The following GRIN2C variants were observed in gnomAD, a reference collection of about 807,000 sequenced individuals.
The protein encoded by GRIN2C is glutamate ionotropic receptor NMDA type subunit 2C.
In GRIN2C, 64 loss-of-function variants were observed where a neutral mutation model predicts 77.7. The observed-to-expected ratio is 0.82, with a 90% CI of 0.67 to 1.01. The LOEUF (loss-of-function observed/expected upper bound fraction) is 1.01. Among genes scored for constraint, GRIN2C ranks in the 50% least tolerant of loss-of-function variants. The pLI, the probability that GRIN2C is intolerant of heterozygous loss-of-function variation, is 0.00. For synonymous variants in GRIN2C, 792 were observed against 643.4 expected (o/e 1.23, Z -3.49); for missense variants, 1,549 against 1,486.0 (o/e 1.04, Z -0.70).
chr17:74,852,369 G>A lies in GRIN2C; in HGVS notation c.642C>T (p.Arg214=). 1.4e-6 allele frequency: 2 copies of A among 1,443,616 alleles called. No homozygotes were observed. Among genetic ancestry groups the A allele is most frequent in the Non-Finnish European group, 1.8e-6 (2 of 1,106,630 alleles). 89.4% of individuals were successfully genotyped at this position (1,443,616 alleles called of 1,614,324 possible). A position where few individuals can be genotyped will look rare whatever the true frequency, so the allele number is the denominator to read the frequency against. The change falls in exon 3 of 13, where the codon CGC becomes CGT. Residue 214 remains arginine, a synonymous_variant. Transcript: ENST00000293190. ...GPGGPRARTQ[R]LLRQLDAPVF... is the part of the protein sequence containing the mutation. ...CGGGCGCGTCGAGCTGGCGCAGCAG[G>A]CGCTGCGTGCGCGCGCGCGGCCCTC...
upstream of GRIN2C, chr17:74,860,740 T>C (rs2037931644): frequency 2.9e-6 from 1 of 346,758 alleles, no homozygotes; most frequent in African/African-American, 2.2e-5. Flanking sequence ...AAGATGCCAC[T>C]ACTCTGGAAG....
At chr17:74,860,763 C>A, upstream of GRIN2C, 1 of 341,028 alleles carries the variant, frequency 2.9e-6, no homozygotes, top group Non-Finnish European at 5.8e-6. Context: ...CACTCCGATT[C>A]TCCCAGGTCG....
At position 74,846,688 on chromosome 17, in the gene GRIN2C, A is replaced by C. The variant is rs563807041; in HGVS notation, c.2162+72T>G. ...AGGACAGCCCAGTCCCACTGTCCCC[A>C]CATTGAGAGCTAAGGCTGGTCACTG... On this transcript the variant is annotated intron_variant, in intron 10 of 12. Coordinates refer to ENST00000293190, the MANE Select transcript of GRIN2C (RefSeq NM_000835.6). This position sits in a 1 kb window ranked among gnomAD's most constrained non-coding sequence, Gnocchi z 4.4. 7.9e-5 allele frequency: 118 copies of C among 1,487,112 alleles called. No homozygotes were observed. Among genetic ancestry groups the C allele is most frequent in the Non-Finnish European group, 1.0e-4 (110 of 1,081,832 alleles). The allele number at this position is 1,487,112 out of a possible 1,614,324, so 92.1% of individuals were successfully genotyped here.
Position 74,844,289 on chromosome 17 carries a change from A to G in GRIN2C, c.2570T>C (p.Leu857Pro), listed in dbSNP as rs774387582. ...GTGGGCACCCACCCTGCTGAAAGCCAGCAGGAAGTCCAGCTGGGATGAGTT... is the reference window on the plus strand; with the variant it reads ...GTGGGCACCCACCCTGCTGAAAGCCGGCAGGAAGTCCAGCTGGGATGAGTT... ...VPNSSQLDFLLAFSRGIYSCF... is the reference protein window; with the variant it reads ...VPNSSQLDFLPAFSRGIYSCF... Residue 857 changes from leucine (L) to proline (P), a missense_variant, in exon 12 of 13, where the codon CTG (leucine) becomes CCG (proline). Physicochemically the swap from Leu to Pro is moderately conservative, Grantham distance 98 (BLOSUM62 -3). Around this residue, in one of 3 missense-constraint regions of GRIN2C, gnomAD observed 450 missense variants for 267.9 expected, o/e 1.68. Coordinates refer to ENST00000293190, the MANE Select transcript of GRIN2C (RefSeq NM_000835.6). 4.3e-6 allele frequency: 7 copies of G among 1,613,810 alleles called. No individual in the cohort carries two copies. The East Asian group carries it at 1.3e-4, about 31-fold the overall frequency.
rs1231510778 is a variant in GRIN2C at position 74,851,695 on chromosome 17, C to A, written c.999-4G>T. 6.5e-7 allele frequency: 1 copy of A among 1,532,816 alleles called. No individual in the cohort carries two copies. Among genetic ancestry groups the A allele is most frequent in the South Asian group, 1.2e-5 (1 of 83,990 alleles). The allele number at this position is 1,532,816 out of a possible 1,614,324, so 95.0% of individuals were successfully genotyped here. A position where few individuals can be genotyped will look rare whatever the true frequency, so the allele number is the denominator to read the frequency against. On this transcript the variant is annotated splice_region_variant and splice_polypyrimidine_tract_variant and intron_variant, in intron 3 of 12. Coordinates refer to ENST00000293190, the MANE Select transcript of GRIN2C (RefSeq NM_000835.6). ...CCAGGTGACATTCAGTAGGTGCCTG[C>A]CAGAGGGGAGAGATGCCTGCAGCCC...
Position 74,851,682 on chromosome 17 carries a change from C to T in GRIN2C, c.1008G>A (p.Leu336=). 1 of 1,558,620 alleles carries T rather than the reference C, an allele frequency of 6.4e-7. No individual in the cohort carries two copies. The highest frequency in any genetic ancestry group is 8.7e-7 in the Non-Finnish European group (1 of 1,149,370). ...PAREAFYRHL[L]NVTWEGRDFS... ...AGTCTCGGCCCTCCCAGGTGACATT[C>T]AGTAGGTGCCTGCCAGAGGGGAGAG... Residue 336 remains leucine (L), a synonymous_variant, in exon 4 of 13, where the codon CTG becomes CTA. Transcript: ENST00000293190.
At chr17:74,853,313 T>C (rs2144606514) in intron 2 of GRIN2C, 1 of 152,330 alleles carries the variant, frequency 6.6e-6, no homozygotes, top group Non-Finnish European at 1.5e-5. Flanking sequence ...ACGCAGTTTC[T>C]TCAATAAACA....
chr17:74,842,991 A>AGCTCCCGGG lies in GRIN2C; in HGVS notation c.3145_3146insCCCGGGAGC (p.Glu1048_Leu1049insProArgGlu). ...CGGACCGAGCAGCGGCAGGTCCTCCAGCTCCGGGAAGAGCGGGAGGAAGGG... is the reference window on the plus strand; with the variant it reads ...CGGACCGAGCAGCGGCAGGTCCTCCAGCTCCCGGGGCTCCGGGAAGAGCGGGAGGAAGGG... On this transcript the variant is annotated inframe_insertion, in exon 13 of 13. Transcript: ENST00000293190. 3 of 510,944 alleles carry AGCTCCCGGG rather than the reference A, an allele frequency of 5.9e-6. No individual in the cohort carries two copies. The highest frequency in any genetic ancestry group is 3.5e-6 in the Non-Finnish European group (1 of 289,662). The allele number at this position is 510,944 out of a possible 1,614,324, so 31.7% of individuals were successfully genotyped here. A position where few individuals can be genotyped will look rare whatever the true frequency, so the allele number is the denominator to read the frequency against.
chr17:74,845,464 C>T (rs2037427863), intron 11 of GRIN2C, among the ~76,000 whole-genome samples: 1 of 151,550 alleles, frequency 6.6e-6, no homozygotes, highest in Middle Eastern at 3.4e-3. Context: ...GAGACAGGAT[C>T]TTGCTGTGTT....
Position 74,854,958 on chromosome 17 carries a change from C to G in GRIN2C, c.135G>C (p.Gln45His). ...TCTGGGGGGTGAGGCGGGCACGGAA[C>G]TGGGCCTGGGGCGGCCCTGAGCTGC... ...VFSSSGPPQA[Q>H]FRARLTPQSF... Residue 45 changes from glutamine to histidine, a missense_variant, in exon 2 of 13, where the codon CAG (glutamine) becomes CAC (histidine). Transcript: ENST00000293190. 3 of 1,612,520 alleles carry G rather than the reference C, an allele frequency of 1.9e-6. No individual in the cohort carries two copies. The highest frequency in any genetic ancestry group is 1.7e-6 in the Non-Finnish European group (2 of 1,179,980).
chr17:74,859,338 C>T lies in GRIN2C; in HGVS notation c.-16+406G>A, dbSNP rs2037897458. ...TTCCCAGGCTGGGGGCCTTCTCCTT[C>T]CCGGGTCCTCACAGCTCAGCCAGAC... On this transcript the variant is annotated intron_variant, in intron 1 of 12. Coordinates refer to ENST00000293190, the MANE Select transcript of GRIN2C (RefSeq NM_000835.6). The surrounding 1 kb of genome is among the most constrained non-coding windows in gnomAD (Gnocchi z 5.9). 6.6e-6 allele frequency among the ~76,000 whole-genome samples: 1 copy of T among 152,130 alleles called. No individual in the cohort carries two copies. Among genetic ancestry groups the T allele is most frequent in the Admixed American group, 6.5e-5 (1 of 15,276 alleles).
rs1567888625 is a variant in GRIN2C, at chr17:74,844,515, T to C, written c.2351-7A>G. ...TCCAGTTTCTGTGTCTCTCCTGGAG[T>C]TGGGGGGTGTACACATCTGGCTCAG... On this transcript the variant is annotated splice_region_variant and splice_polypyrimidine_tract_variant and intron_variant, in intron 11 of 12. Transcript: ENST00000293190. 1 of 1,613,216 alleles carries C rather than the reference T, an allele frequency of 6.2e-7. No individual in the cohort carries two copies. The highest frequency in any genetic ancestry group is 8.5e-7 in the Non-Finnish European group (1 of 1,179,310).
Position 74,847,204 on chromosome 17 carries a change from T to C in GRIN2C, c.2001+104A>G, listed in dbSNP as rs1222248093. 6 of 894,840 alleles carry C rather than the reference T, an allele frequency of 6.7e-6. No individual in the cohort carries two copies. Among genetic ancestry groups the C allele is most frequent in the South Asian group, 1.5e-5 (1 of 64,568 alleles). The allele number at this position is 894,840 out of a possible 1,614,324, so 55.4% of individuals were successfully genotyped here. A position where few individuals can be genotyped will look rare whatever the true frequency, so the allele number is the denominator to read the frequency against. On this transcript the variant is annotated intron_variant, in intron 9 of 12. Transcript: ENST00000293190. The surrounding 1 kb of genome is among the most constrained non-coding windows in gnomAD (Gnocchi z 5.2). Reference sequence around the variant, plus strand: ...CCTGAAGCTTCTTCCTGCCCCAGCCTCCAGGTCAAATTCCCCAGACTCGAC... The same window carrying C: ...CCTGAAGCTTCTTCCTGCCCCAGCCCCCAGGTCAAATTCCCCAGACTCGAC...
chr17:74,853,737 T>C (rs1385463487), intron 2 of GRIN2C: 1 of 152,156 alleles, frequency 6.6e-6, no homozygotes, highest in Non-Finnish European at 1.5e-5. Flanking sequence ...TTTTAATGTA[T>C]ACTCAAAATT....
In GRIN2C at chr17:74,844,398, T is replaced by C. The variant is rs772131178; in HGVS notation, c.2461A>G (p.Met821Val). The change falls in exon 12 of 13, where the codon ATG (methionine) becomes GTG (valine). Residue 821 changes from methionine to valine, a missense_variant. Met to Val is a conservative substitution (Grantham distance 21, BLOSUM62 1). Coordinates refer to ENST00000293190, the MANE Select transcript of GRIN2C (RefSeq NM_000835.6). ...DIDNMAGVFY[M>V]LLVAMGLALL... is the part of the protein sequence containing the mutation. ...GCCAGCCCCATGGCCACCAGCAGCA[T>C]GTAGAAGACGCCTGCCATGTTGTCG... The C allele has an allele frequency of 6.2e-7, 1 of 1,614,222 alleles. No individual in the cohort carries two copies. Among genetic ancestry groups the C allele is most frequent in the Non-Finnish European group, 8.5e-7 (1 of 1,180,040 alleles).
chr17:74,843,423 G>T lies in GRIN2C; in HGVS notation c.2714C>A (p.Thr905Asn). ...KMLQAARDMV[T>N]TAGVSSSLDR... ...CAGGGAGCTGCTTACGCCCGCCGTG[G>T]TCACCATGTCGCGGGCTGCCTGCAG... is the stretch of plus-strand genomic sequence containing the variant. Residue 905 changes from threonine to asparagine, a missense_variant, in exon 13 of 13, where the codon ACC becomes AAC. Thr to Asn is a moderately conservative substitution (Grantham distance 65). Transcript: ENST00000293190. 60 of 1,535,984 alleles carry T rather than the reference G, an allele frequency of 3.9e-5. No homozygotes were observed. The highest frequency in any genetic ancestry group is 5.1e-5 in the Non-Finnish European group (58 of 1,146,168).
Position 74,846,087 on chromosome 17 carries a change from G to T in GRIN2C, c.2329C>A (p.Leu777Ile). The T allele has an allele frequency of 6.2e-7, 1 of 1,614,168 alleles. No homozygotes were observed. Residue 777 changes from leucine to isoleucine, a missense_variant, in exon 11 of 13, where the codon CTC (leucine) becomes ATC (isoleucine). By Grantham distance (5) the Leu-to-Ile change is conservative (BLOSUM62 2). This residue lies in a region of GRIN2C where 717 missense variants were observed against 858.1 expected (regional missense o/e 0.84). Transcript: ENST00000293190. This position sits in a 1 kb window ranked among gnomAD's most constrained non-coding sequence, Gnocchi z 4.4. ...CCACCGTCCCCCAGGAACTGCAAGA[G>T]CGCCAGGTCTATGGCCCGCTTCCAG... ...SHWKRAIDLA[L>I]LQFLGDGETQ...
Position 74,847,392 on chromosome 17 carries a change from G to A in GRIN2C, c.1917C>T (p.Phe639=), listed in dbSNP as rs1254829767. 1.2e-6 allele frequency: 2 copies of A among 1,614,094 alleles called. No individual in the cohort carries two copies. Among genetic ancestry groups the A allele is most frequent in the African/African-American group, 1.3e-5 (1 of 74,990 alleles). ...VLVWAFFAVI[F]LASYTANLAA... ...CCAGGTTGGCCGTGTAGCTGGCGAGGAAGATGACAGCAAAGAAGGCCCAGA... is the reference window on the plus strand; with the variant it reads ...CCAGGTTGGCCGTGTAGCTGGCGAGAAAGATGACAGCAAAGAAGGCCCAGA... The change falls in exon 9 of 13, where the codon TTC becomes TTT. Residue 639 remains phenylalanine (F), a synonymous_variant. Transcript: ENST00000293190. This position sits in a 1 kb window ranked among gnomAD's most constrained non-coding sequence, Gnocchi z 5.2.
Position 74,844,256 on chromosome 17 carries a change from G to A in GRIN2C, c.2583+20C>T. ...GTGCCCTTAAAACTTTGGCCTGTGT[G>A]GGGAGGGGTGGGCACCCACCCTGCT... On this transcript the variant is annotated intron_variant, in intron 12 of 12. Transcript: ENST00000293190. 1 of 1,612,724 alleles carries A rather than the reference G, an allele frequency of 6.2e-7. No individual in the cohort carries two copies.
Sources: gnomAD v4.1 joint callset for allele counts (sites outside exome capture counted in the v4.1 genomes callset) on GRCh38, gnomAD v4.1.1 for gene constraint, gnomAD v4.1.1 regional missense constraint, Gnocchi (gnomAD v3.1) non-coding constraint, MANE v1.5 for transcripts, NCBI Gene and HGNC (gene_info 2026-07-23, HGNC 2026-07-21) for gene names.